The following BCCIP variants were observed in gnomAD, a reference collection of about 807,000 sequenced individuals.
BCCIP encodes BRCA2 and CDKN1A-interacting protein.
A neutral mutation model predicts 32.8 loss-of-function variants in BCCIP; 23 were observed. That is an observed-to-expected ratio of 0.70 (90% CI 0.51 to 0.99). BCCIP has a LOEUF of 0.99. BCCIP is among the 50% of genes least tolerant of loss of function. The pLI is 0.00. For synonymous variants in BCCIP, 144 were observed against 137.6 expected (o/e 1.05, Z -0.33); for missense variants, 378 against 379.8 (o/e 1.00, Z 0.04).
At chr10:125,835,100 T>C (rs562949650) in intron 6 of BCCIP, among the ~76,000 whole-genome samples, 16 of 151,204 alleles carry the variant, frequency 1.1e-4, no homozygotes, top group Admixed American at 3.3e-4. Context: ...GCCACTGCAC[T>C]CCAGCCTGGG....
chr10:125,838,587 C>G (rs988845892), downstream of BCCIP, among the ~76,000 whole-genome samples: 1 of 152,150 alleles, frequency 6.6e-6, no homozygotes, highest in Non-Finnish European at 1.5e-5. Flanking sequence ...GTGATGTTAA[C>G]TAACTTCAGC....
downstream of BCCIP, chr10:125,840,893 G>T: frequency 6.2e-7 from 1 of 1,609,712 alleles, no homozygotes; most frequent in Admixed American, 1.7e-5. Flanking sequence ...CCTTGTAAAT[G>T]CTGATGAGGG....
chr10:125,825,723 A>G (rs1354515123), intron 1 of BCCIP: 1 of 152,220 alleles, frequency 6.6e-6, no homozygotes, highest in Non-Finnish European at 1.5e-5. Flanking sequence ...GCCTTTAAAT[A>G]TATTATTTCA....
At chr10:125,846,760 G>A (rs1206842311), downstream of BCCIP, among the ~76,000 whole-genome samples, 1 of 152,204 alleles carries the variant, frequency 6.6e-6, no homozygotes, top group Non-Finnish European at 1.5e-5. Context: ...CAGGGGACTG[G>A]TTCAGGGTGG....
At chr10:125,847,111 T>C (rs1944031698), downstream of BCCIP, among the ~76,000 whole-genome samples, 1 of 152,150 alleles carries the variant, frequency 6.6e-6, no homozygotes, top group South Asian at 2.1e-4. Context: ...CTCTACACAT[T>C]TGCATAATGC....
intron 7 of BCCIP, among the ~76,000 whole-genome samples, chr10:125,850,634 C>T (rs1013402550): frequency 1.3e-5 from 2 of 152,074 alleles, no homozygotes; most frequent in Non-Finnish European, 2.9e-5. Flanking sequence ...GGATTAGAGG[C>T]GTGAGCCACT....
chr10:125,826,638 T>C lies in BCCIP; in HGVS notation c.213T>C (p.Tyr71=). The C allele has an allele frequency of 6.2e-7, 1 of 1,613,806 alleles. No homozygotes were observed. The highest frequency in any genetic ancestry group is 8.5e-7 in the Non-Finnish European group (1 of 1,179,846). Residue 71 remains tyrosine, a synonymous_variant, in exon 2 of 7, where the codon TAT becomes TAC. Transcript: ENST00000278100. ...FEAYSLSDND[Y]DGIKKLLQQL... is the part of the protein sequence containing the mutation. ...CTTATTCCCTATCAGATAATGATTA[T>C]GACGGAATTAAGAAATTACTGCAGC... is the stretch of plus-strand genomic sequence containing the variant.
exon 7 of BCCIP, chr10:125,842,750 ATAG>A (rs1378760666): frequency 8.1e-6 from 7 of 867,298 alleles, no homozygotes; most frequent in Non-Finnish European, 9.7e-6. Flanking sequence ...GATGCTAGAA[ATAG>A]TAGACAAAGA....
At chr10:125,848,258 A>G (rs946533652) in intron 7 of BCCIP, among the ~76,000 whole-genome samples, 3 of 152,210 alleles carry the variant, frequency 2.0e-5, no homozygotes, top group Non-Finnish European at 4.4e-5. Flanking sequence ...TGAAGAGGAC[A>G]GGGAGGAAAG....
intron 2 of BCCIP, 84 bp from the exon 3 acceptor site, chr10:125,827,474 A>G (rs1788657652): frequency 5.4e-6 from 5 of 931,246 alleles, no homozygotes; most frequent in African/African-American, 1.7e-5. Flanking sequence ...CAGAAATTTC[A>G]TTGTTTGTAT....
chr10:125,841,800 C>T (rs1854886871), exon 7 of BCCIP: 2 of 1,613,624 alleles, frequency 1.2e-6, no homozygotes, highest in Non-Finnish European at 1.7e-6. Context: ...TCACAGGACG[C>T]TAAGATAGAC....
downstream of BCCIP, among the ~76,000 whole-genome samples, chr10:125,845,644 T>G (rs1944007683): frequency 6.6e-6 from 1 of 152,232 alleles, no homozygotes; most frequent in African/African-American, 2.4e-5. Flanking sequence ...AAGGCTGGAT[T>G]TGAGTCATTA....
intron 7 of BCCIP, chr10:125,852,291 A>G: frequency 6.2e-7 from 1 of 1,613,810 alleles, no homozygotes; most frequent in Non-Finnish European, 8.5e-7. Context: ...GCATAAGGCT[A>G]CCTGGTCTGT....
At chr10:125,849,800 A>G (rs967996438) in intron 7 of BCCIP, among the ~76,000 whole-genome samples, 1 of 152,194 alleles carries the variant, frequency 6.6e-6, no homozygotes, top group Non-Finnish European at 1.5e-5. Context: ...CCAAAGCCAA[A>G]TCTTGAGTTT....
At chr10:125,838,507 C>T, downstream of BCCIP, 1 of 935,534 alleles carries the variant, frequency 1.1e-6, no homozygotes, top group Non-Finnish European at 1.5e-6. Context: ...CTAACGTTTG[C>T]CACTCATGTT....
At chr10:125,828,672 T>G (rs1480493592) in intron 3 of BCCIP, among the ~76,000 whole-genome samples, 2 of 152,222 alleles carry the variant, frequency 1.3e-5, no homozygotes. Flanking sequence ...GGTGGTTCTT[T>G]GGGTTATCTG....
chr10:125,827,709 C>A, intron 3 of BCCIP, 71 bp downstream of exon 3: 2 of 1,197,670 alleles, frequency 1.7e-6, no homozygotes, highest in East Asian at 2.4e-5. Flanking sequence ...CCTCACCATG[C>A]TTGTAATCCC....
chr10:125,847,839 A>G (rs954730437), intron 7 of BCCIP, among the ~76,000 whole-genome samples: 3 of 151,978 alleles, frequency 2.0e-5, no homozygotes, highest in African/African-American at 7.3e-5. Context: ...GATCCCTGGC[A>G]TGTGCAGTTC....
rs1212197308 is a variant in BCCIP at position 125,853,357 on chromosome 10, AGG to A, written c.*115_*116del. 5.4e-6 allele frequency: 3 copies of A among 557,736 alleles called. No individual in the cohort carries two copies. In the African/African-American group the frequency reaches 5.8e-5, roughly 11 times the overall value. 34.5% of individuals were successfully genotyped at this position (557,736 alleles called of 1,614,324 possible). A position where few individuals can be genotyped will look rare whatever the true frequency, so the allele number is the denominator to read the frequency against. ...AGTTTCGTTTGAGATCTCAAATGTT[AGG>A]ATTTTCTGAAGTCTCAGTGTCTTTC... is the stretch of plus-strand genomic sequence containing the variant. On this transcript the variant is annotated 3_prime_UTR_variant, in exon 8 of 8. Transcript: ENST00000368759.
Sources: gnomAD v4.1 joint callset for allele counts (sites outside exome capture counted in the v4.1 genomes callset) on GRCh38, gnomAD v4.1.1 for gene constraint, MANE v1.5 for transcripts, NCBI Gene and HGNC (gene_info 2026-07-23, HGNC 2026-07-21) for gene names.